The following SLC16A10 variants were observed in gnomAD, a reference collection of about 807,000 sequenced individuals.
The protein encoded by SLC16A10 is monocarboxylate transporter 10.
In SLC16A10, 27 loss-of-function variants were observed where a neutral mutation model predicts 40.0. That is an observed-to-expected ratio of 0.67 (90% CI 0.50 to 0.93). The LOEUF (loss-of-function observed/expected upper bound fraction) is 0.93. Among genes scored for constraint, SLC16A10 ranks in the 40% least tolerant of loss-of-function variants. The pLI is 0.00. For missense variants in SLC16A10, 529 were observed against 658.2 expected, an observed-to-expected ratio of 0.80 and a Z score of 2.15; for synonymous variants, 213 against 249.8, an observed-to-expected ratio of 0.85 and a Z score of 1.39.
chr6:111,183,369 C>T (rs1772837465), intron 3 of SLC16A10, among the ~76,000 whole-genome samples: 1 of 152,048 alleles, frequency 6.6e-6, no homozygotes, highest in African/African-American at 2.4e-5. Flanking sequence ...GCTTACTATC[C>T]GTATATTTAC....
At chr6:111,095,538 A>G (rs1452487140) in intron 1 of SLC16A10, among the ~76,000 whole-genome samples, 3 of 152,222 alleles carry the variant, frequency 2.0e-5, no homozygotes. Context: ...TATTTGTTAA[A>G]GTGGTAATTT....
At chr6:111,173,091 A>G (rs923132579) in intron 2 of SLC16A10, among the ~76,000 whole-genome samples, 3 of 152,174 alleles carry the variant, frequency 2.0e-5, no homozygotes, top group Non-Finnish European at 4.4e-5. Context: ...GTGCATGGAA[A>G]AATGTTTCTC....
chr6:111,091,251 T>C (rs188874380), intron 1 of SLC16A10: 6 of 152,324 alleles, frequency 3.9e-5, no homozygotes, highest in Admixed American at 3.3e-4. Flanking sequence ...ATGTCATCCT[T>C]GTTCAGGGGT....
chr6:111,218,469 C>T (rs541108977), intron 4 of SLC16A10, among the ~76,000 whole-genome samples: 148 of 152,242 alleles, frequency 9.7e-4, no homozygotes, highest in Non-Finnish European at 1.7e-3. Flanking sequence ...GTCCCAGCTA[C>T]TCAGGAGGCT....
intron 1 of SLC16A10, among the ~76,000 whole-genome samples, chr6:111,152,660 A>T (rs1299848133): frequency 6.6e-6 from 1 of 152,190 alleles, no homozygotes; most frequent in African/African-American, 2.4e-5. Context: ...AAGTAATTTT[A>T]CTTTACGTGT....
chr6:111,137,592 G>C (rs1771902339), intron 1 of SLC16A10, among the ~76,000 whole-genome samples: 1 of 152,244 alleles, frequency 6.6e-6, no homozygotes. Context: ...CGGCCTGCTA[G>C]TCCATGCTTC....
intron 4 of SLC16A10, among the ~76,000 whole-genome samples, chr6:111,217,276 T>C (rs1310121518): frequency 1.3e-5 from 2 of 152,208 alleles, no homozygotes; most frequent in Non-Finnish European, 2.9e-5. Context: ...CCTCATAAAG[T>C]TGTTATGAGG....
rs989274011 is a variant in SLC16A10 at position 111,222,713 on chromosome 6, C to T, written c.*478C>T. Reference sequence around the variant, plus strand: ...TGGGTTCTAGATAATACCAGATCTACCTAAACCTCAAGTCTATGTTAAAGT... The same window carrying T: ...TGGGTTCTAGATAATACCAGATCTATCTAAACCTCAAGTCTATGTTAAAGT... On this transcript the variant is annotated 3_prime_UTR_variant, in exon 6 of 6. Transcript: ENST00000368851. 2.6e-5 allele frequency: 4 copies of T among 156,778 alleles called. No individual in the cohort carries two copies. Among genetic ancestry groups the T allele is most frequent in the African/African-American group, 9.6e-5 (4 of 41,474 alleles). 9.7% of individuals were successfully genotyped at this position (156,778 alleles called of 1,614,324 possible). A position where few individuals can be genotyped will look rare whatever the true frequency, so the allele number is the denominator to read the frequency against.
chr6:111,214,014 G>T (rs1004939531), intron 4 of SLC16A10, among the ~76,000 whole-genome samples: 1 of 152,210 alleles, frequency 6.6e-6, no homozygotes, highest in African/African-American at 2.4e-5. Context: ...CTACACTTAA[G>T]ATTCTTGAGC....
At chr6:111,099,523 C>T (rs761532141) in intron 1 of SLC16A10, among the ~76,000 whole-genome samples, 4 of 151,920 alleles carry the variant, frequency 2.6e-5, no homozygotes, top group Non-Finnish European at 5.9e-5. Context: ...CCACGTTGCC[C>T]AGGTTGGTCT....
At chr6:111,139,092 C>CTTCTTTTTTT (rs202229156) in intron 1 of SLC16A10, among the ~76,000 whole-genome samples, 22 of 118,882 alleles carry the variant, frequency 1.9e-4, no homozygotes, top group African/African-American at 2.2e-4. Context: ...TCTTCTTCTT[C>CTTCTTTTTTT]TTTTTTTTTT....
chr6:111,114,021 A>C (rs1771439807), intron 1 of SLC16A10, among the ~76,000 whole-genome samples: 2 of 152,196 alleles, frequency 1.3e-5, no homozygotes, highest in Non-Finnish European at 1.5e-5. Flanking sequence ...TTAGTTATTC[A>C]GACGTCTGCT....
At chr6:111,136,422 A>G (rs560344591) in intron 1 of SLC16A10, among the ~76,000 whole-genome samples, 11 of 152,280 alleles carry the variant, frequency 7.2e-5, no homozygotes, top group Admixed American at 6.5e-4. Flanking sequence ...AAAATAATAC[A>G]AGGAAGAGAT....
chr6:111,097,873 A>G (rs1018929387), intron 1 of SLC16A10, among the ~76,000 whole-genome samples: 3 of 152,160 alleles, frequency 2.0e-5, no homozygotes, highest in African/African-American at 7.2e-5. Flanking sequence ...TGAAAGGTCA[A>G]TGATTAAATT....
At chr6:111,115,811 A>G (rs1180769511) in intron 1 of SLC16A10, among the ~76,000 whole-genome samples, 4 of 151,744 alleles carry the variant, frequency 2.6e-5, no homozygotes, top group Admixed American at 2.0e-4. Flanking sequence ...TAACCCCTTT[A>G]CTGAAACCTA....
chr6:111,189,315 G>A (rs1772951655), intron 3 of SLC16A10, among the ~76,000 whole-genome samples: 1 of 152,230 alleles, frequency 6.6e-6, no homozygotes, highest in African/African-American at 2.4e-5. Context: ...GGTAGTATAA[G>A]GTACTTTGAA....
chr6:111,087,808 C>A lies in SLC16A10; in HGVS notation c.56C>A (p.Pro19Gln). 2 of 1,284,060 alleles carry A rather than the reference C, an allele frequency of 1.6e-6. No homozygotes were observed. The highest frequency in any genetic ancestry group is 9.8e-7 in the Non-Finnish European group (1 of 1,021,636). 79.5% of individuals were successfully genotyped at this position (1,284,060 alleles called of 1,614,324 possible). The change falls in exon 1 of 6, where the codon CCG becomes CAG. Residue 19 changes from proline (P) to glutamine (Q), a missense_variant. Pro to Gln is a moderately conservative substitution (Grantham distance 76, BLOSUM62 -1). Coordinates refer to ENST00000368851, the MANE Select transcript of SLC16A10 (RefSeq NM_018593.5). ...GCGCGGGGCACGAGCGAGGCGCAGC[C>A]GCTCGGCCCCGCGCCCACGGGGGCC... ...DSARGTSEAQ[P>Q]LGPAPTGAAP...
chr6:111,153,046 G>C (rs1772201654), intron 1 of SLC16A10, among the ~76,000 whole-genome samples: 1 of 152,162 alleles, frequency 6.6e-6, no homozygotes, highest in Admixed American at 6.5e-5. Context: ...ATTAAGTGCT[G>C]GGGAAGATCA....
chr6:111,121,389 T>C (rs1382708570), intron 1 of SLC16A10, among the ~76,000 whole-genome samples: 1 of 152,188 alleles, frequency 6.6e-6, no homozygotes, highest in Non-Finnish European at 1.5e-5. Flanking sequence ...TAGGAAACCC[T>C]GTCTCTACAA....
Sources: gnomAD v4.1 joint callset for allele counts (sites outside exome capture counted in the v4.1 genomes callset) on GRCh38, gnomAD v4.1.1 for gene constraint, MANE v1.5 for transcripts, NCBI Gene and HGNC (gene_info 2026-07-23, HGNC 2026-07-21) for gene names.